LEO1: variants seen among roughly 807,000 people sequenced by gnomAD.
LEO1 encodes the protein LEO1 component of Paf1/RNA polymerase II complex.
In LEO1, 34 loss-of-function variants were observed where a neutral mutation model predicts 80.4. The ratio of observed to expected loss-of-function variants is 0.42; its 90% CI spans 0.32 to 0.56. LEO1 has a LOEUF of 0.56. Among genes scored for constraint, LEO1 ranks in the 20% least tolerant of loss-of-function variants. The pLI is 0.10. For synonymous variants in LEO1, 262 were observed against 274.9 expected, an observed-to-expected ratio of 0.95 and a Z score of 0.46; for missense variants, 631 against 814.2, an observed-to-expected ratio of 0.77 and a Z score of 2.74.
intron 6 of LEO1, 21 bp downstream of exon 6, chr15:51,958,721 G>T (rs775206583): frequency 1.8e-5 from 26 of 1,479,174 alleles, no homozygotes; most frequent in Non-Finnish European, 2.2e-5. Flanking sequence ...AGAAAAAAAA[G>T]GAAAAAGCAT....
chr15:51,958,601 G>C, intron 6 of LEO1, 141 bp downstream of exon 6: 1 of 612,254 alleles, frequency 1.6e-6, no homozygotes, highest in Non-Finnish European at 2.9e-6. Flanking sequence ...TTTCCTAATA[G>C]TCAACAAAAG....
At chr15:51,958,879 C>CATAGCAGTAATATTCT in intron 5 of LEO1, 53 bp from the exon 6 acceptor site, 11 of 923,018 alleles carry the variant, frequency 1.2e-5, no homozygotes, top group African/African-American at 1.7e-5. Flanking sequence ...AAGAATATTA[C>CATAGCAGTAATATTCT]TGCTATGTAA....
chr15:51,970,759 A>G (rs1022083039), intron 1 of LEO1, among the ~76,000 whole-genome samples: 1 of 152,198 alleles, frequency 6.6e-6, no homozygotes, highest in Non-Finnish European at 1.5e-5. Flanking sequence ...TATGTTGTCT[A>G]CAAGAGACTC....
intron 6 of LEO1, 197 bp from the exon 7 acceptor site, chr15:51,954,772 T>A (rs1008191153): frequency 1.8e-6 from 1 of 545,886 alleles, no homozygotes; most frequent in African/African-American, 1.9e-5. Flanking sequence ...GAAAAAAATA[T>A]GCTTAAGTGA....
In LEO1 at chr15:51,938,167, C is replaced by A; in HGVS notation, c.1990G>T (p.Asp664Tyr). ...KYVISDEEEE[D>Y]DD ...TCATATTTCATACTTCAATCATCATCTTCTTCCTCTTCATCGCTGATCACA... is the reference window on the plus strand; with the variant it reads ...TCATATTTCATACTTCAATCATCATATTCTTCCTCTTCATCGCTGATCACA... Residue 664 changes from aspartate (D) to tyrosine (Y), a missense_variant, in exon 12 of 12, where the codon GAT becomes TAT. Asp to Tyr is a radical substitution (Grantham distance 160). Around this residue, in one of 4 missense-constraint regions of LEO1, gnomAD observed 117 missense variants for 163.5 expected, o/e 0.72. Transcript: ENST00000299601. 1 of 1,558,704 alleles carries A rather than the reference C, an allele frequency of 6.4e-7. No individual in the cohort carries two copies. The highest frequency in any genetic ancestry group is 8.8e-7 in the Non-Finnish European group (1 of 1,132,380).
chr15:51,960,499 A>G (rs1465443480), intron 4 of LEO1, 140 bp downstream of exon 4: 3 of 611,776 alleles, frequency 4.9e-6, no homozygotes, highest in Admixed American at 2.9e-5. Flanking sequence ...AGTTCCCTAC[A>G]TAATGAAGAA....
Position 51,971,696 on chromosome 15 carries a change from T to C in LEO1, c.50A>G (p.Glu17Gly). ...LFGSDADSEAERKDSDSGSDS... is the reference protein window; with the variant it reads ...LFGSDADSEAGRKDSDSGSDS... ...AAGACCAGCGAACCCACCTTTACGC[T>C]CAGCTTCGCTGTCGGCGTCGCTCCC... The change falls in exon 1 of 12, where the codon GAG becomes GGG. Residue 17 changes from glutamate to glycine, a missense_variant. This residue lies in a region of LEO1 where 394 missense variants were observed against 395.6 expected (regional missense o/e 1.00). Coordinates refer to ENST00000299601, the MANE Select transcript of LEO1 (RefSeq NM_138792.4). 1 of 1,614,140 alleles carries C rather than the reference T, an allele frequency of 6.2e-7. No homozygotes were observed. The highest frequency in any genetic ancestry group is 8.5e-7 in the Non-Finnish European group (1 of 1,180,018).
At chr15:51,948,333 C>G (rs1001103902) in intron 10 of LEO1, among the ~76,000 whole-genome samples, 2 of 152,218 alleles carry the variant, frequency 1.3e-5, no homozygotes, top group African/African-American at 2.4e-5. Flanking sequence ...ACACACCTCT[C>G]TCTCTTAAAG....
chr15:51,947,401 AGTACAGATT>A lies in LEO1; in HGVS notation c.1799-21_1799-13del, dbSNP rs1486995599. 1.4e-5 allele frequency: 22 copies of A among 1,587,076 alleles called. No individual in the cohort carries two copies. Among genetic ancestry groups the A allele is most frequent in the Non-Finnish European group, 1.8e-5 (21 of 1,159,864 alleles). ...TCTGGCTCGTTCCTCTGAAAGCAAAAGTACAGATTGTGAGTCACCTTTTTTTTTTTCTGA... is the reference window on the plus strand; with the variant it reads ...TCTGGCTCGTTCCTCTGAAAGCAAAAGTGAGTCACCTTTTTTTTTTTCTGA... On this transcript the variant is annotated splice_polypyrimidine_tract_variant and intron_variant, in intron 10 of 11. Transcript: ENST00000299601.
At chr15:51,964,388 C>T (rs1051371174) in intron 2 of LEO1, among the ~76,000 whole-genome samples, 2 of 151,712 alleles carry the variant, frequency 1.3e-5, no homozygotes, top group East Asian at 1.9e-4. Context: ...CATCACACAC[C>T]GGGGCCTGTC....
At position 51,954,581 on chromosome 15, in the gene LEO1, T is replaced by C. The variant is rs1024534577; in HGVS notation, c.1246-6A>G. 8.9e-6 allele frequency: 14 copies of C among 1,577,418 alleles called. No individual in the cohort carries two copies. Among genetic ancestry groups the C allele is most frequent in the Non-Finnish European group, 1.2e-5 (14 of 1,147,110 alleles). The stretch of plus-strand genomic sequence containing the variant: ...CATCTTATAGTATTTTCTACCTGTT[T>C]CACAACACAAGTACTTTAGAAAATT... On this transcript the variant is annotated splice_polypyrimidine_tract_variant and splice_region_variant and intron_variant, in intron 6 of 11. Transcript: ENST00000299601.
chr15:51,946,426 C>G (rs1002276514), intron 11 of LEO1, among the ~76,000 whole-genome samples: 7 of 152,276 alleles, frequency 4.6e-5, no homozygotes, highest in East Asian at 1.9e-4. Flanking sequence ...GAACTCCCAA[C>G]CTCAGGTGAT....
chr15:51,951,729 G>T, intron 9 of LEO1, 115 bp downstream of exon 9: 1 of 857,668 alleles, frequency 1.2e-6, no homozygotes, highest in Non-Finnish European at 1.8e-6. Context: ...CCCTATTCAT[G>T]TCAGTTGGAA....
intron 10 of LEO1, among the ~76,000 whole-genome samples, chr15:51,949,357 A>T (rs1435517624): frequency 2.0e-5 from 3 of 152,202 alleles, no homozygotes; most frequent in Non-Finnish European, 2.9e-5. Flanking sequence ...CCTACCTTTC[A>T]AGCTCACCTG....
rs539526104 is a variant in LEO1, at chr15:51,947,951, G to A, written c.1799-562C>T. Among the ~76,000 whole-genome samples, 29 of 152,304 alleles carry A rather than the reference G, an allele frequency of 1.9e-4. No homozygotes were observed. The South Asian group carries it at 6.0e-3, about 32-fold the overall frequency. On this transcript the variant is annotated intron_variant, in intron 10 of 11. Coordinates refer to ENST00000299601, the MANE Select transcript of LEO1 (RefSeq NM_138792.4). ...GATGAAAAAGGTTTGTGTGCAAGGT[G>A]TCTAAAGAGGCAAGATACCCTACTC... is the stretch of plus-strand genomic sequence containing the variant.
intron 11 of LEO1, among the ~76,000 whole-genome samples, chr15:51,941,557 C>T (rs2470612): frequency 0.36 from 54,094 of 151,978 alleles, 10,113 homozygotes; most frequent in Middle Eastern, 0.43. Context: ...TCCACTGTCT[C>T]CATGTTTCTT....
chr15:51,962,514 G>T (rs749465521), intron 2 of LEO1, 21 bp from the exon 3 acceptor site: 24 of 1,520,554 alleles, frequency 1.6e-5, no homozygotes, highest in Non-Finnish European at 2.2e-5. Flanking sequence ...AGAATTAGAA[G>T]TTCTGCATAA....
intron 11 of LEO1, among the ~76,000 whole-genome samples, chr15:51,942,118 A>C (rs2056857749): frequency 6.6e-6 from 1 of 152,228 alleles, no homozygotes; most frequent in African/African-American, 2.4e-5. Flanking sequence ...AAGCACAGAG[A>C]GGGACTTAGA....
At chr15:51,967,609 TCAAAGA>T (rs1566888985) in intron 1 of LEO1, among the ~76,000 whole-genome samples, 1 of 152,168 alleles carries the variant, frequency 6.6e-6, no homozygotes, top group Non-Finnish European at 1.5e-5. Flanking sequence ...TATCAGACTG[TCAAAGA>T]CAAAGAAACA....
Sources: allele counts gnomAD v4.1 joint callset (sites outside exome capture counted in the v4.1 genomes callset), GRCh38; gene constraint gnomAD v4.1.1; regional missense constraint gnomAD v4.1.1; transcripts MANE v1.5; gene names NCBI Gene and HGNC (gene_info 2026-07-23, HGNC 2026-07-21).